Variants in HOMER2 observed in about 807,000 individuals in gnomAD.
HOMER2 encodes the protein homer scaffold protein 2, also known as homer protein homolog 2.
A neutral mutation model predicts 47.0 loss-of-function variants in HOMER2; 27 were observed. The ratio of observed to expected loss-of-function variants is 0.57; its 90% CI spans 0.42 to 0.79. The LOEUF (loss-of-function observed/expected upper bound fraction) is 0.79. HOMER2 is among the 30% of genes least tolerant of loss of function. The pLI, the probability that HOMER2 is intolerant of heterozygous loss-of-function variation, is 0.00. For missense variants in HOMER2, 443 were observed against 435.0 expected, an observed-to-expected ratio of 1.02 and a Z score of -0.16; for synonymous variants, 161 against 163.8, an observed-to-expected ratio of 0.98 and a Z score of 0.13.
chr15:82,873,625 C>T (rs2052247135), intron 3 of HOMER2, among the ~76,000 whole-genome samples: 1 of 152,150 alleles, frequency 6.6e-6, no homozygotes, highest in African/African-American at 2.4e-5. Flanking sequence ...GAGATTTTTG[C>T]TTTTTGTCCA....
chr15:82,892,597 C>A (rs1157824458), intron 2 of HOMER2, 88 bp downstream of exon 2: 9 of 1,016,492 alleles, frequency 8.9e-6, no homozygotes. Context: ...ATAACAATAA[C>A]TTATGTGTTA....
chr15:82,856,182 T>C (rs1429075174), intron 5 of HOMER2, among the ~76,000 whole-genome samples: 1 of 152,234 alleles, frequency 6.6e-6, no homozygotes, highest in African/African-American at 2.4e-5. Flanking sequence ...TGACTGACAA[T>C]TTAAGCTAAT....
chr15:82,876,457 A>C (rs1007798535), intron 2 of HOMER2, among the ~76,000 whole-genome samples: 1 of 152,370 alleles, frequency 6.6e-6, no homozygotes, highest in African/African-American at 2.4e-5. Flanking sequence ...CAAAGACATC[A>C]AACAATTGAT....
downstream of HOMER2, chr15:82,845,217 T>TACAC (rs1567006473): frequency 9.0e-5 from 8 of 89,146 alleles, no homozygotes; most frequent in African/African-American, 3.9e-4. Context: ...TTGCTGTTTC[T>TACAC]TCACACACAC....
upstream of HOMER2, among the ~76,000 whole-genome samples, chr15:82,957,294 A>C (rs1438544345): frequency 6.6e-6 from 1 of 151,946 alleles, no homozygotes; most frequent in Non-Finnish European, 1.5e-5. Context: ...AAAAAAAAAA[A>C]CAGAGTGAAT....
In HOMER2 at chr15:82,895,249, TCAAA is replaced by T. The variant is rs1338424685; in HGVS notation, c.6-2412_6-2409del. On this transcript the variant is annotated intron_variant, in intron 1 of 8. Coordinates refer to ENST00000450735, the MANE Select transcript of HOMER2 (RefSeq NM_004839.4). ...GGATTACTAGGGCATTTTTATTCCCTCAAACAGAGACCAAGTTCACCCACACACT... is the reference window on the plus strand; with the variant it reads ...GGATTACTAGGGCATTTTTATTCCCTCAGAGACCAAGTTCACCCACACACT... Among the ~76,000 whole-genome samples, 4 of 152,256 alleles carry T rather than the reference TCAAA, an allele frequency of 2.6e-5. No homozygotes were observed. In the East Asian group the frequency reaches 7.7e-4, roughly 29 times the overall value.
At chr15:82,855,041 G>A (rs1289000642) in intron 5 of HOMER2, among the ~76,000 whole-genome samples, 1 of 152,126 alleles carries the variant, frequency 6.6e-6, no homozygotes, top group African/African-American at 2.4e-5. Flanking sequence ...CCTTAGAAGA[G>A]AACACAATTC....
At chr15:82,889,009 T>C (rs2052628274) in intron 2 of HOMER2, among the ~76,000 whole-genome samples, 1 of 152,114 alleles carries the variant, frequency 6.6e-6, no homozygotes, top group Non-Finnish European at 1.5e-5. Context: ...GCCTCCTGCT[T>C]TGAGAGGAAC....
At chr15:82,867,580 A>T (rs554008559) in intron 3 of HOMER2, among the ~76,000 whole-genome samples, 1 of 152,360 alleles carries the variant, frequency 6.6e-6, no homozygotes, top group African/African-American at 2.4e-5. Context: ...CTTGTTGGAA[A>T]TGTAAATCAA....
downstream of HOMER2, chr15:82,846,374 T>TA (rs2051247927): frequency 6.6e-6 from 1 of 152,268 alleles, no homozygotes; most frequent in Non-Finnish European, 1.5e-5. Flanking sequence ...TTATCATTTA[T>TA]AACAAACATT....
chr15:82,863,636 G>A lies in HOMER2; in HGVS notation c.387+531C>T, dbSNP rs567314320. Among the ~76,000 whole-genome samples, 4 of 152,288 alleles carry A rather than the reference G, an allele frequency of 2.6e-5. 1 individual carries two copies. The East Asian group carries it at 7.7e-4, about 29-fold the overall frequency. ...ATACTAATCTAGACATCAGGAAAGT[G>A]GGTGTGTTGATTTCAGATTAAAATA... On this transcript the variant is annotated intron_variant, in intron 4 of 8. Coordinates refer to ENST00000450735, the MANE Select transcript of HOMER2 (RefSeq NM_004839.4).
chr15:82,972,578 G>A (rs1178979490), intron 1 of HOMER2, among the ~76,000 whole-genome samples: 1 of 152,108 alleles, frequency 6.6e-6, no homozygotes, highest in African/African-American at 2.4e-5. Flanking sequence ...TCCAACTCCT[G>A]ACCTCAGGTG....
intron 3 of HOMER2, among the ~76,000 whole-genome samples, chr15:82,868,008 T>C (rs1479889140): frequency 6.6e-6 from 1 of 152,162 alleles, no homozygotes; most frequent in Admixed American, 6.5e-5. Context: ...TCCCTCCAAG[T>C]CTTGCATTTT....
chr15:82,932,221 G>A (rs1282978241), intron 1 of HOMER2, among the ~76,000 whole-genome samples: 2 of 152,214 alleles, frequency 1.3e-5, no homozygotes, highest in Admixed American at 6.5e-5. Flanking sequence ...AGGGCCGGGC[G>A]TGGTGGCTCA....
intron 2 of HOMER2, among the ~76,000 whole-genome samples, chr15:82,881,400 T>C (rs936276392): frequency 6.6e-6 from 1 of 152,204 alleles, no homozygotes; most frequent in East Asian, 1.9e-4. Flanking sequence ...GGAGATGAAG[T>C]TGGATGAACC....
intron 1 of HOMER2, among the ~76,000 whole-genome samples, chr15:82,941,127 C>T (rs964110205): frequency 6.6e-6 from 1 of 151,928 alleles, no homozygotes. Context: ...AATCTCCATA[C>T]TACCCTTCAT....
chr15:82,855,443 G>A (rs984586090), intron 5 of HOMER2, among the ~76,000 whole-genome samples: 1 of 151,940 alleles, frequency 6.6e-6, no homozygotes, highest in South Asian at 2.1e-4. Flanking sequence ...TGGCCGCCCT[G>A]CTTCCTCCTG....
At chr15:82,951,962 C>T (rs1488832288) in intron 1 of HOMER2, 1 of 684,570 alleles carries the variant, frequency 1.5e-6, no homozygotes, top group East Asian at 1.3e-4. Context: ...AGTATTTCAA[C>T]TTCCCTCCTG....
At chr15:82,984,263 A>C (rs914732926) in intron 1 of HOMER2, among the ~76,000 whole-genome samples, 1 of 151,270 alleles carries the variant, frequency 6.6e-6, no homozygotes, top group African/African-American at 2.4e-5. Context: ...TGATCTCCTG[A>C]CCTCATGATC....
Sources: allele counts gnomAD v4.1 joint callset (sites outside exome capture counted in the v4.1 genomes callset), GRCh38; gene constraint gnomAD v4.1.1; transcripts MANE v1.5; gene names NCBI Gene and HGNC (gene_info 2026-07-23, HGNC 2026-07-21).